Variants in THSD4 observed in about 807,000 individuals in gnomAD.
THSD4 encodes the protein thrombospondin type 1 domain containing 4, also known as thrombospondin type-1 domain-containing protein 4.
In THSD4, 69 loss-of-function variants were observed where a neutral mutation model predicts 119.0. That is an observed-to-expected ratio of 0.58 (90% CI 0.48 to 0.71). THSD4 has a LOEUF of 0.71. Ranked by LOEUF, THSD4 falls within the 30% of genes least tolerant of loss-of-function variation. The pLI, the probability that THSD4 is intolerant of heterozygous loss-of-function variation, is 0.00. For synonymous variants in THSD4, 524 were observed against 540.4 expected, an observed-to-expected ratio of 0.97 and a Z score of 0.42; for missense variants, 1,393 against 1,391.1, an observed-to-expected ratio of 1.00 and a Z score of -0.02.
intron 7 of THSD4, among the ~76,000 whole-genome samples, chr15:71,529,051 G>C (rs995917923): frequency 6.6e-6 from 1 of 152,192 alleles, no homozygotes; most frequent in Non-Finnish European, 1.5e-5. Flanking sequence ...GTAGCCAATG[G>C]AAGATGGGCC....
intron 7 of THSD4, among the ~76,000 whole-genome samples, chr15:71,599,698 T>G (rs4613019): frequency 0.18 from 27,591 of 152,190 alleles, 3,119 homozygotes; most frequent in East Asian, 0.49. Context: ...ATTTTATAAA[T>G]TAAGAGCTGT....
intron 7 of THSD4, among the ~76,000 whole-genome samples, chr15:71,652,565 C>T (rs968118138): frequency 3.3e-5 from 5 of 152,156 alleles, no homozygotes; most frequent in Non-Finnish European, 7.3e-5. Flanking sequence ...CTCCAGAGAA[C>T]GATGACCCTT....
At chr15:71,189,768 T>G (rs965065877) in intron 3 of THSD4, among the ~76,000 whole-genome samples, 3 of 152,162 alleles carry the variant, frequency 2.0e-5, no homozygotes, top group Admixed American at 2.0e-4. Context: ...TTTTTTTAAG[T>G]CCGCTAGAGT....
At chr15:71,414,384 C>T (rs568710174) in intron 7 of THSD4, among the ~76,000 whole-genome samples, 3 of 152,216 alleles carry the variant, frequency 2.0e-5, no homozygotes, top group African/African-American at 7.2e-5. Context: ...AGTGCTCTCA[C>T]GCTATAGTGT....
chr15:71,572,638 C>T (rs12592346), intron 7 of THSD4, among the ~76,000 whole-genome samples: 23,127 of 152,028 alleles, frequency 0.15, 2,373 homozygotes, highest in East Asian at 0.49. Context: ...TTGAAGACAG[C>T]GGAGTCCAAA....
chr15:71,157,724 T>A lies in THSD4; in HGVS notation c.99+2792T>A, dbSNP rs545232143. On this transcript the variant is annotated intron_variant, in intron 3 of 17. Transcript: ENST00000261862. ...TTTCAGATTCCACATATGAGTGAGA[T>A]CTGTGGTATTTGTCTTTCTGTGTCG... is the stretch of plus-strand genomic sequence containing the variant. Among the ~76,000 whole-genome samples, 3 of 150,312 alleles carry A rather than the reference T, an allele frequency of 2.0e-5. No individual in the cohort carries two copies. The East Asian group carries it at 5.9e-4, about 30-fold the overall frequency.
chr15:71,546,608 C>G (rs2048841780), intron 7 of THSD4, among the ~76,000 whole-genome samples: 1 of 152,154 alleles, frequency 6.6e-6, no homozygotes, highest in South Asian at 2.1e-4. Context: ...CCTATTTTTA[C>G]ATTTTCTGCA....
chr15:71,713,195 C>G (rs1418957903), intron 8 of THSD4, among the ~76,000 whole-genome samples: 1 of 152,228 alleles, frequency 6.6e-6, no homozygotes, highest in Non-Finnish European at 1.5e-5. Context: ...CCCATATGCT[C>G]TGGTCCCTCC....
chr15:71,287,061 A>G (rs748506772), intron 6 of THSD4, among the ~76,000 whole-genome samples: 2 of 152,194 alleles, frequency 1.3e-5, no homozygotes, highest in Non-Finnish European at 2.9e-5. Flanking sequence ...TTAACAAACA[A>G]CATTCCTATG....
intron 7 of THSD4, among the ~76,000 whole-genome samples, chr15:71,530,327 A>C (rs1255040220): frequency 6.6e-6 from 1 of 152,126 alleles, no homozygotes; most frequent in African/African-American, 2.4e-5. Context: ...TCCCCAGTTC[A>C]GTATGGTGCT....
intron 8 of THSD4, among the ~76,000 whole-genome samples, chr15:71,722,765 A>T (rs1408325336): frequency 1.3e-5 from 2 of 152,210 alleles, no homozygotes; most frequent in Non-Finnish European, 1.5e-5. Context: ...CTCCCTTCTT[A>T]TCTCCCATCT....
At chr15:71,338,265 C>T (rs2045513256) in intron 6 of THSD4, among the ~76,000 whole-genome samples, 2 of 147,502 alleles carry the variant, frequency 1.4e-5, no homozygotes, top group African/African-American at 2.5e-5. Flanking sequence ...GGCTTAGGTA[C>T]CCCCACCCCC....
chr15:71,630,613 G>A (rs1271238346), intron 7 of THSD4, among the ~76,000 whole-genome samples: 1 of 152,172 alleles, frequency 6.6e-6, no homozygotes, highest in Non-Finnish European at 1.5e-5. Context: ...ATATGGCACA[G>A]CGACCTTCAC....
At chr15:71,746,285 CTT>C (rs1478393945) in intron 12 of THSD4, among the ~76,000 whole-genome samples, 6 of 151,944 alleles carry the variant, frequency 3.9e-5, no homozygotes, top group African/African-American at 1.5e-4. Flanking sequence ...TTTTCTATAA[CTT>C]TTCATAGAAT....
chr15:71,677,255 T>G (rs1284854803), intron 8 of THSD4, among the ~76,000 whole-genome samples: 1 of 152,178 alleles, frequency 6.6e-6, no homozygotes, highest in East Asian at 1.9e-4. Context: ...CAACTCAAAG[T>G]GATATCCTGA....
intron 7 of THSD4, among the ~76,000 whole-genome samples, chr15:71,574,642 C>T (rs546290747): frequency 1.1e-3 from 174 of 152,200 alleles, no homozygotes; most frequent in African/African-American, 4.1e-3. Context: ...TGGCATCATG[C>T]TATGTGACCC....
At chr15:71,279,533 G>T (rs1355311360) in intron 6 of THSD4, among the ~76,000 whole-genome samples, 2 of 152,216 alleles carry the variant, frequency 1.3e-5, no homozygotes, top group African/African-American at 4.8e-5. Context: ...ATCTTTGGTG[G>T]TTATCAGCCT....
intron 2 of THSD4, among the ~76,000 whole-genome samples, chr15:71,142,950 C>T: frequency 6.6e-6 from 1 of 152,226 alleles, no homozygotes; most frequent in South Asian, 2.1e-4. Flanking sequence ...AGGGCTAGAG[C>T]ATTTGCCAAG....
intron 7 of THSD4, among the ~76,000 whole-genome samples, chr15:71,454,654 C>T (rs1367858262): frequency 2.0e-5 from 3 of 152,162 alleles, no homozygotes; most frequent in Admixed American, 2.0e-4. Flanking sequence ...AAAAAATGTC[C>T]CAGGAAAAGC....
Sources: allele counts gnomAD v4.1 joint callset (sites outside exome capture counted in the v4.1 genomes callset), GRCh38; gene constraint gnomAD v4.1.1; transcripts MANE v1.5; gene names NCBI Gene and HGNC (gene_info 2026-07-23, HGNC 2026-07-21).